CSMD1: variants seen among roughly 807,000 people sequenced by gnomAD.
CSMD1 encodes the protein CUB and sushi domain-containing protein 1.
A neutral mutation model predicts 417.5 loss-of-function variants in CSMD1; 213 were observed. The observed-to-expected ratio is 0.51, with a 90% CI of 0.46 to 0.57. CSMD1 has a LOEUF of 0.57. Among genes scored for constraint, CSMD1 ranks in the 20% least tolerant of loss-of-function variants. The pLI is 0.00. For synonymous variants in CSMD1, 2,862 were observed against 1,736.8 expected (o/e 1.65, Z -16.11); for missense variants, 6,923 against 4,529.7 (o/e 1.53, Z -15.17).
chr8:4,844,751 G>A (rs940755679), intron 1 of CSMD1, among the ~76,000 whole-genome samples: 2 of 152,192 alleles, frequency 1.3e-5, no homozygotes, highest in African/African-American at 4.8e-5. Flanking sequence ...AACCATCTCA[G>A]TGATAAGCTT....
intron 3 of CSMD1, among the ~76,000 whole-genome samples, chr8:4,343,304 G>C (rs917418708): frequency 2.6e-5 from 4 of 151,838 alleles, no homozygotes; most frequent in African/African-American, 7.3e-5. Flanking sequence ...TTGGCCAAAG[G>C]GTACAAAATT....
chr8:3,008,568 T>C (rs548217990), intron 52 of CSMD1, among the ~76,000 whole-genome samples: 26 of 152,176 alleles, frequency 1.7e-4, no homozygotes, highest in Non-Finnish European at 3.1e-4. Flanking sequence ...TCGTTTCCAG[T>C]AGAGTGAACA....
intron 2 of CSMD1, among the ~76,000 whole-genome samples, chr8:4,427,085 T>A (rs1797603082): frequency 1.3e-5 from 2 of 151,996 alleles, no homozygotes; most frequent in African/African-American, 4.8e-5. Flanking sequence ...AGAGCACAGG[T>A]GGCTGTGGCT....
chr8:3,518,532 T>C (rs1399507829), intron 10 of CSMD1, among the ~76,000 whole-genome samples: 2 of 152,206 alleles, frequency 1.3e-5, no homozygotes, highest in South Asian at 2.1e-4. Context: ...TGATCAATGA[T>C]TGCCATAAAG....
At chr8:3,167,004 G>A (rs867167173) in intron 37 of CSMD1, among the ~76,000 whole-genome samples, 2 of 151,966 alleles carry the variant, frequency 1.3e-5, no homozygotes, top group Admixed American at 1.3e-4. Flanking sequence ...GTGGTTCACA[G>A]GGCGGGGCAC....
chr8:3,663,172 C>A (rs529715968), intron 7 of CSMD1, among the ~76,000 whole-genome samples: 1 of 152,222 alleles, frequency 6.6e-6, no homozygotes, highest in East Asian at 1.9e-4. Context: ...AAGGCTGGTG[C>A]ATTTTCATTT....
intron 2 of CSMD1, among the ~76,000 whole-genome samples, chr8:4,456,342 G>C (rs925747356): frequency 1.8e-4 from 28 of 152,126 alleles, no homozygotes; most frequent in East Asian, 1.9e-4. Context: ...CATAGAGCAG[G>C]AACATGTTGG....
At chr8:3,720,819 G>C (rs1267483876) in intron 6 of CSMD1, among the ~76,000 whole-genome samples, 1 of 150,576 alleles carries the variant, frequency 6.6e-6, no homozygotes, top group African/African-American at 2.5e-5. Flanking sequence ...TCTAACGTTT[G>C]AGACTTTTTT....
At chr8:4,035,937 C>G (rs188827506) in intron 3 of CSMD1, among the ~76,000 whole-genome samples, 1 of 152,214 alleles carries the variant, frequency 6.6e-6, no homozygotes, top group African/African-American at 2.4e-5. Context: ...TCCAGCCCCA[C>G]AAACTCTATT....
intron 33 of CSMD1, among the ~76,000 whole-genome samples, chr8:3,192,365 A>T (rs1312469735): frequency 6.6e-6 from 1 of 152,240 alleles, no homozygotes; most frequent in Non-Finnish European, 1.5e-5. Context: ...GAGATATCTT[A>T]GGGATGGGAC....
intron 2 of CSMD1, among the ~76,000 whole-genome samples, chr8:4,592,363 C>G (rs1054823902): frequency 1.3e-5 from 2 of 151,688 alleles, no homozygotes; most frequent in Non-Finnish European, 2.9e-5. Flanking sequence ...AAAAAATATA[C>G]TCTTCCGTAT....
chr8:3,156,589 A>AG (rs751782173), intron 39 of CSMD1, among the ~76,000 whole-genome samples: 16 of 152,188 alleles, frequency 1.1e-4, no homozygotes, highest in Non-Finnish European at 2.2e-4. Context: ...AGCATTGAGG[A>AG]GGGGACACTC....
intron 33 of CSMD1, 104 bp from the exon 34 acceptor site, chr8:3,190,219 C>G: frequency 1.3e-6 from 1 of 771,994 alleles, no homozygotes; most frequent in South Asian, 1.7e-5. Flanking sequence ...CTGATGCAGA[C>G]AGAGAATTTA....
chr8:3,460,214 A>T (rs944743239), intron 12 of CSMD1, among the ~76,000 whole-genome samples: 2 of 152,174 alleles, frequency 1.3e-5, no homozygotes, highest in African/African-American at 2.4e-5. Flanking sequence ...ATGAGACGGG[A>T]AGATCAGCAA....
chr8:3,644,141 A>G lies in CSMD1; in HGVS notation c.1010-27344T>C, dbSNP rs544358919. Among the ~76,000 whole-genome samples the G allele has an allele frequency of 9.2e-5, 14 of 152,200 alleles. No individual in the cohort carries two copies. The South Asian group carries it at 1.7e-3, about 18-fold the overall frequency. ...ACCTGGGAAGTTGTTATCAATGCAA[A>G]TTTTCAAAATGTTAGGCCCCCAATG... On this transcript the variant is annotated intron_variant, in intron 7 of 69. Transcript: ENST00000635120.
At chr8:3,879,734 G>A (rs886470378) in intron 5 of CSMD1, among the ~76,000 whole-genome samples, 9 of 151,896 alleles carry the variant, frequency 5.9e-5, no homozygotes, top group African/African-American at 2.2e-4. Flanking sequence ...TAGAAAAAGT[G>A]TTGCATGTGG....
chr8:4,156,641 G>T (rs952560015), intron 3 of CSMD1, among the ~76,000 whole-genome samples: 1 of 152,142 alleles, frequency 6.6e-6, no homozygotes, highest in African/African-American at 2.4e-5. Flanking sequence ...GCTATTTGGT[G>T]ATACCAGGTA....
intron 5 of CSMD1, among the ~76,000 whole-genome samples, chr8:3,990,468 T>C (rs1012222629): frequency 1.3e-5 from 2 of 152,204 alleles, no homozygotes; most frequent in African/African-American, 2.4e-5. Flanking sequence ...AGGGATGTTT[T>C]CTTCTTCTCT....
At chr8:3,876,865 G>C (rs1279966206) in intron 5 of CSMD1, among the ~76,000 whole-genome samples, 1 of 152,156 alleles carries the variant, frequency 6.6e-6, no homozygotes, top group Non-Finnish European at 1.5e-5. Context: ...GCCCGCCTTG[G>C]CCTCCCAAAA....
Sources: allele counts gnomAD v4.1 joint callset (sites outside exome capture counted in the v4.1 genomes callset), GRCh38; gene constraint gnomAD v4.1.1; transcripts MANE v1.5; gene names NCBI Gene and HGNC (gene_info 2026-07-23, HGNC 2026-07-21).